FAM47A: variants seen among roughly 807,000 people sequenced by gnomAD.
FAM47A encodes the protein protein FAM47A.
A neutral mutation model predicts 2.6 loss-of-function variants in FAM47A; 1 was observed. The observed-to-expected ratio is 0.39, with a 90% CI of 0.14 to 1.83. The LOEUF (loss-of-function observed/expected upper bound fraction) is 1.83. Among genes scored for constraint, FAM47A ranks in the 40% most tolerant of loss-of-function variants. FAM47A has a pLI of 0.32. For missense variants in FAM47A, 657 were observed against 673.1 expected, an observed-to-expected ratio of 0.98 and a Z score of 0.26; for synonymous variants, 278 against 270.1, an observed-to-expected ratio of 1.03 and a Z score of -0.29.
At position 34,131,701 on chromosome X, in the gene FAM47A, T is replaced by G; in HGVS notation, c.578A>C (p.Glu193Ala). The G allele has an allele frequency of 8.3e-7, 1 of 1,208,822 alleles. No homozygotes were observed. The highest frequency in any genetic ancestry group is 1.1e-6 in the Non-Finnish European group (1 of 894,244). Reference sequence around the variant, plus strand: ...TGGGAGGAGATGGGACACCGGAGTCTCGGGAGGCTTCAGGCAGAATTCCCC... The same window carrying G: ...TGGGAGGAGATGGGACACCGGAGTCGCGGGAGGCTTCAGGCAGAATTCCCC... Reference protein sequence around the residue: ...PCGEFCLKPPETPVSHLLPEP... With the variant: ...PCGEFCLKPPATPVSHLLPEP... Residue 193 changes from glutamate to alanine, a missense_variant, in exon 1 of 1, where the codon GAG (glutamate) becomes GCG (alanine). Glu to Ala is a moderately radical substitution (Grantham distance 107). Coordinates refer to ENST00000346193, the MANE Select transcript of FAM47A (RefSeq NM_203408.4).
chrX:34,130,955 A>G lies in FAM47A; in HGVS notation c.1324T>C (p.Trp442Arg). Residue 442 changes from tryptophan (W) to arginine (R), a missense_variant, in exon 1 of 1, where the codon TGG becomes CGG. Physicochemically the swap from Trp to Arg is moderately radical, Grantham distance 101. Coordinates refer to ENST00000346193, the MANE Select transcript of FAM47A (RefSeq NM_203408.4). ...TTCACCCGGGCCTCACAACGATCCC[A>G]TACGTCCTTCAGCGTCCTCCCAGAA... ...LDSGRTLKDV[W>R]DRCEARVKKT... The G allele has an allele frequency of 1.7e-6, 2 of 1,205,360 alleles. No homozygotes were observed. The highest frequency in any genetic ancestry group is 2.2e-6 in the Non-Finnish European group (2 of 891,308).
In FAM47A at chrX:34,130,572, G is replaced by T. The variant is rs191524414; in HGVS notation, c.1707C>A (p.Phe569Leu). ...ATGCTCGAATCTTGGGAGGCTCCGA[G>T]AATTGATGGGACTCTGGAGCTTTGG... is the stretch of plus-strand genomic sequence containing the variant. ...EPPKAPESHQ[F>L]SEPPKIRASY... is the part of the protein sequence containing the mutation. Residue 569 changes from phenylalanine to leucine, a missense_variant, in exon 1 of 1, where the codon TTC becomes TTA. Physicochemically the swap from Phe to Leu is conservative, Grantham distance 22. This residue lies in a region of FAM47A where 198 missense variants were observed against 203.4 expected (regional missense o/e 0.97). Coordinates refer to ENST00000346193, the MANE Select transcript of FAM47A (RefSeq NM_203408.4). 385 of 1,209,632 alleles carry T rather than the reference G, an allele frequency of 3.2e-4. No homozygotes were observed. Among genetic ancestry groups the T allele is most frequent in the Middle Eastern group, 4.6e-4 (2 of 4,354 alleles).
Position 34,130,516 on chromosome X carries a change from G to A in FAM47A, c.1763C>T (p.Thr588Ile). 8.3e-7 allele frequency: 1 copy of A among 1,211,678 alleles called. No individual in the cohort carries two copies. The highest frequency in any genetic ancestry group is 1.8e-5 in the South Asian group (1 of 56,951). ...SYIKELLQEDTPSTKECVSDS... is the reference protein window; with the variant it reads ...SYIKELLQEDIPSTKECVSDS... ...AGAAACGCACTCTTTTGTGCTTGGT[G>A]TATCTTCCTGAAGCAGTTCTTTTAT... is the stretch of plus-strand genomic sequence containing the variant. The change falls in exon 1 of 1, where the codon ACA becomes ATA. Residue 588 changes from threonine (T) to isoleucine (I), a missense_variant. This residue lies in a region of FAM47A where 198 missense variants were observed against 203.4 expected (regional missense o/e 0.97). Coordinates refer to ENST00000346193, the MANE Select transcript of FAM47A (RefSeq NM_203408.4).
At position 34,130,562 on chromosome X, in the gene FAM47A, G is replaced by C; in HGVS notation, c.1717C>G (p.Pro573Ala). Residue 573 changes from proline (P) to alanine (A), a missense_variant, in exon 1 of 1, where the codon CCC (proline) becomes GCC (alanine). Physicochemically the swap from Pro to Ala is conservative, Grantham distance 27 (BLOSUM62 -1). This residue lies in a region of FAM47A where 198 missense variants were observed against 203.4 expected (regional missense o/e 0.97). Transcript: ENST00000346193. ...APESHQFSEPPKIRASYIKEL... is the reference protein window; with the variant it reads ...APESHQFSEPAKIRASYIKEL... Reference sequence around the variant, plus strand: ...TTTATGTAGGATGCTCGAATCTTGGGAGGCTCCGAGAATTGATGGGACTCT... The same window carrying C: ...TTTATGTAGGATGCTCGAATCTTGGCAGGCTCCGAGAATTGATGGGACTCT... 8.3e-7 allele frequency: 1 copy of C among 1,211,667 alleles called. No individual in the cohort carries two copies. Among genetic ancestry groups the C allele is most frequent in the Non-Finnish European group, 1.1e-6 (1 of 895,555 alleles).
Position 34,130,237 on chromosome X carries a change from G to T in FAM47A, c.2042C>A (p.Thr681Lys), listed in dbSNP as rs770609384. ...CTGTGCGGTATAAGAATTCGATGGC[G>T]TGTGGAATTTCCTGCCCCAGTATTT... ...QEKYWGRKFH[T>K]PSNSYTAQRV... Residue 681 changes from threonine (T) to lysine (K), a missense_variant, in exon 1 of 1, where the codon ACG becomes AAG. Coordinates refer to ENST00000346193, the MANE Select transcript of FAM47A (RefSeq NM_203408.4). 8.3e-7 allele frequency: 1 copy of T among 1,211,016 alleles called. No individual in the cohort carries two copies. Among genetic ancestry groups the T allele is most frequent in the African/African-American group, 1.7e-5 (1 of 57,818 alleles).
rs1441492553 is a variant in FAM47A, at chrX:34,131,270, G to A, written c.1009C>T (p.Leu337Phe). The A allele has an allele frequency of 3.3e-6, 4 of 1,208,450 alleles. No individual in the cohort carries two copies. The African/African-American group carries it at 5.3e-5, about 16-fold the overall frequency. Reference sequence around the variant, plus strand: ...CGAGTCTTGGAATGCTCTAGGCGGAGATGGGACTCTCCAGTCTCCGGAGGC... The same window carrying A: ...CGAGTCTTGGAATGCTCTAGGCGGAAATGGGACTCTCCAGTCTCCGGAGGC... ...PEPPETGESH[L>F]RLEHSKTRRG... Residue 337 changes from leucine to phenylalanine, a missense_variant, in exon 1 of 1, where the codon CTC becomes TTC. Coordinates refer to ENST00000346193, the MANE Select transcript of FAM47A (RefSeq NM_203408.4).
In FAM47A at chrX:34,132,251, G is replaced by T; in HGVS notation, c.28C>A (p.Leu10Met). Reference protein sequence around the residue: MGDQRLQDWLRSPGMDSKPW... With the variant: MGDQRLQDWMRSPGMDSKPW... ...TTGGAGTCCATGCCCGGGGACCTCA[G>T]CCAGTCCTGCAGCCTCTGGTCCCCC... The change falls in exon 1 of 1, where the codon CTG (leucine) becomes ATG (methionine). Residue 10 changes from leucine to methionine, a missense_variant. Physicochemically the swap from Leu to Met is conservative, Grantham distance 15 (BLOSUM62 2). This residue lies in a region of FAM47A where 436 missense variants were observed against 414.1 expected (regional missense o/e 1.05). Transcript: ENST00000346193. 1 of 1,182,859 alleles carries T rather than the reference G, an allele frequency of 8.5e-7. No homozygotes were observed. The highest frequency in any genetic ancestry group is 3.0e-5 in the East Asian group (1 of 33,555).
At position 34,130,853 on chromosome X, in the gene FAM47A, A is replaced by G; in HGVS notation, c.1426T>C (p.Ser476Pro). The change falls in exon 1 of 1, where the codon TCC (serine) becomes CCC (proline). Residue 476 changes from serine to proline, a missense_variant. Ser to Pro is a moderately conservative substitution (Grantham distance 74). Transcript: ENST00000346193. ...TTGGGATGTTCCGGGTGGGGATGGG[A>G]CACCTGAGTCTCGGGAGGCTGCAGG... ...PCLQPPETQVSHPHPEHPKTR... is the reference protein window; with the variant it reads ...PCLQPPETQVPHPHPEHPKTR... The G allele has an allele frequency of 8.4e-7, 1 of 1,194,324 alleles. No individual in the cohort carries two copies. Among genetic ancestry groups the G allele is most frequent in the Non-Finnish European group, 1.1e-6 (1 of 885,917 alleles).
Position 34,129,979 on chromosome X carries a change from G to A in FAM47A, c.2300C>T (p.Ser767Phe). ...TGCACGTTGAATAGGAGTCTTAACA[G>A]AGTCATAAGTCCATCCCCTCCTGGC... is the stretch of plus-strand genomic sequence containing the variant. ...LFARRGWTYD[S>F]VKTPIQRAMI... Residue 767 changes from serine to phenylalanine, a missense_variant, in exon 1 of 1, where the codon TCT becomes TTT. Physicochemically the swap from Ser to Phe is radical, Grantham distance 155. Around this residue, in one of 3 missense-constraint regions of FAM47A, gnomAD observed 198 missense variants for 203.4 expected, o/e 0.97. Coordinates refer to ENST00000346193, the MANE Select transcript of FAM47A (RefSeq NM_203408.4). 1 of 1,211,329 alleles carries A rather than the reference G, an allele frequency of 8.3e-7. No individual in the cohort carries two copies. The highest frequency in any genetic ancestry group is 1.1e-6 in the Non-Finnish European group (1 of 895,314).
Position 34,131,957 on chromosome X carries a change from A to C in FAM47A, c.322T>G (p.Ser108Ala). 1.7e-6 allele frequency: 2 copies of C among 1,208,908 alleles called. No homozygotes were observed. Among genetic ancestry groups the C allele is most frequent in the Non-Finnish European group, 2.2e-6 (2 of 894,888 alleles). Residue 108 changes from serine to alanine, a missense_variant, in exon 1 of 1, where the codon TCT becomes GCT. Ser to Ala is a moderately conservative substitution (Grantham distance 99). This residue lies in a region of FAM47A where 436 missense variants were observed against 414.1 expected (regional missense o/e 1.05). Transcript: ENST00000346193. The part of the protein sequence containing the change: ...LKKAALFSKL[S>A]PAQLARKAFV... Reference sequence around the variant, plus strand: ...GCCTTCCGTGCTAGCTGGGCTGGAGAGAGCTTGGAAAATAGGGCCGCTTTC... The same window carrying C: ...GCCTTCCGTGCTAGCTGGGCTGGAGCGAGCTTGGAAAATAGGGCCGCTTTC...
Position 34,130,221 on chromosome X carries a change from A to G in FAM47A, c.2058T>C (p.Tyr686=). The change falls in exon 1 of 1, where the codon TAT becomes TAC. Residue 686 remains tyrosine, a synonymous_variant. Coordinates refer to ENST00000346193, the MANE Select transcript of FAM47A (RefSeq NM_203408.4). ...ACTTCATCTTCACACGCTGTGCGGT[A>G]TAAGAATTCGATGGCGTGTGGAATT... ...GRKFHTPSNS[Y]TAQRVKMKYG... is the part of the protein sequence containing the mutation. 1.7e-6 allele frequency: 2 copies of G among 1,211,655 alleles called. No homozygotes were observed. The highest frequency in any genetic ancestry group is 1.8e-5 in the South Asian group (1 of 56,875).
At position 34,131,464 on chromosome X, in the gene FAM47A, T is replaced by C. The variant is rs1334647143; in HGVS notation, c.815A>G (p.Lys272Arg). The C allele has an allele frequency of 8.3e-7, 1 of 1,208,426 alleles. No individual in the cohort carries two copies. The highest frequency in any genetic ancestry group is 1.8e-5 in the South Asian group (1 of 56,819). ...ACAAGGAGCCCGTGCGTCTTCCAGC[T>C]TCCTCTCAGAATCCAGTTTCAGCAG... ...RQLLKLDSER[K>R]LEDARAPCEG... is the part of the protein sequence containing the mutation. Residue 272 changes from lysine (K) to arginine (R), a missense_variant, in exon 1 of 1, where the codon AAG becomes AGG. By Grantham distance (26) the Lys-to-Arg change is conservative (BLOSUM62 2). Coordinates refer to ENST00000346193, the MANE Select transcript of FAM47A (RefSeq NM_203408.4).
Position 34,131,595 on chromosome X carries a change from A to G in FAM47A, c.684T>C (p.Pro228=), listed in dbSNP as rs765088776. 42 of 1,168,910 alleles carry G rather than the reference A, an allele frequency of 3.6e-5. No individual in the cohort carries two copies. The highest frequency in any genetic ancestry group is 2.4e-4 in the Middle Eastern group (1 of 4,192). Residue 228 remains proline, a synonymous_variant, in exon 1 of 1, where the codon CCT becomes CCC. Coordinates refer to ENST00000346193, the MANE Select transcript of FAM47A (RefSeq NM_203408.4). Reference sequence around the variant, plus strand: ...GGCGGAGATGGGACACTCCAGTCTCAGGAGGCTCCGGGCGGAGACTGGACA... The same window carrying G: ...GGCGGAGATGGGACACTCCAGTCTCGGGAGGCTCCGGGCGGAGACTGGACA... The part of the protein sequence containing the change: ...TPVSSLRPEP[P]ETGVSHLRPE...
rs747484372 is a variant in FAM47A, at chrX:34,130,632, CTTG to C, written c.1644_1646del (p.Lys549del). 2.0e-5 allele frequency: 24 copies of C among 1,209,351 alleles called. No individual in the cohort carries two copies. Among genetic ancestry groups the C allele is most frequent in the Non-Finnish European group, 2.5e-5 (22 of 894,758 alleles). On this transcript the variant is annotated inframe_deletion, in exon 1 of 1. Transcript: ENST00000346193. Reference sequence around the variant, plus strand: ...GGTGGAGACTGGACACCCGACGACTCTTGGGAAGCTCCGGGCGGAGACTGGACA... The same window carrying C: ...GGTGGAGACTGGACACCCGACGACTCGGAAGCTCCGGGCGGAGACTGGACA...
chrX:34,130,203 C>T lies in FAM47A; in HGVS notation c.2076G>A (p.Lys692=), dbSNP rs1569241432. 8.3e-7 allele frequency: 1 copy of T among 1,212,052 alleles called. No individual in the cohort carries two copies. The highest frequency in any genetic ancestry group is 1.1e-6 in the Non-Finnish European group (1 of 895,631). The part of the protein sequence containing the change: ...PSNSYTAQRV[K]MKYGAWYLKP... Reference sequence around the variant, plus strand: ...TGAGGTACCATGCTCCATACTTCATCTTCACACGCTGTGCGGTATAAGAAT... The same window carrying T: ...TGAGGTACCATGCTCCATACTTCATTTTCACACGCTGTGCGGTATAAGAAT... Residue 692 remains lysine, a synonymous_variant, in exon 1 of 1, where the codon AAG becomes AAA. Coordinates refer to ENST00000346193, the MANE Select transcript of FAM47A (RefSeq NM_203408.4).
Position 34,129,919 on chromosome X carries a change from G to A in FAM47A, c.2360C>T (p.Ala787Val), listed in dbSNP as rs751013151. Residue 787 changes from alanine to valine, a missense_variant, in exon 1 of 1, where the codon GCA (alanine) becomes GTA (valine). This residue lies in a region of FAM47A where 198 missense variants were observed against 203.4 expected (regional missense o/e 0.97). Transcript: ENST00000346193. Reference sequence around the variant, plus strand: ...GAAAACTGCCTAATCTTCTTCCGATGCCTCTACGATTTCTTTGTACTTGTA... The same window carrying A: ...GAAAACTGCCTAATCTTCTTCCGATACCTCTACGATTTCTTTGTACTTGTA... Reference protein sequence around the residue: ...IFYKYKEIVEASEED With the variant: ...IFYKYKEIVEVSEED The A allele has an allele frequency of 8.4e-7, 1 of 1,188,806 alleles. No homozygotes were observed. The highest frequency in any genetic ancestry group is 3.0e-5 in the East Asian group (1 of 33,570).
chrX:34,130,458 T>A lies in FAM47A; in HGVS notation c.1821A>T (p.Lys607Asn), dbSNP rs776240603. The change falls in exon 1 of 1, where the codon AAA (lysine) becomes AAT (asparagine). Residue 607 changes from lysine (K) to asparagine (N), a missense_variant. By Grantham distance (94) the Lys-to-Asn change is moderately conservative. Transcript: ENST00000346193. ...DSLQYRYTSEKLREFFKWAGD... is the reference protein window; with the variant it reads ...DSLQYRYTSENLREFFKWAGD... ...CAGCCCACTTGAAGAATTCACGGAG[T>A]TTTTCCGATGTGTATCTATATTGAA... The A allele has an allele frequency of 1.7e-6, 2 of 1,210,441 alleles. No individual in the cohort carries two copies. Among genetic ancestry groups the A allele is most frequent in the Non-Finnish European group, 2.2e-6 (2 of 895,191 alleles).
chrX:34,130,781 G>T lies in FAM47A; in HGVS notation c.1498C>A (p.Arg500=). 1 of 1,186,226 alleles carries T rather than the reference G, an allele frequency of 8.4e-7. No individual in the cohort carries two copies. Among genetic ancestry groups the T allele is most frequent in the East Asian group, 3.0e-5 (1 of 33,505 alleles). ...SLHSQPPKTR[R]TSSLRSEPPK... ...GGCTCCGAGCGGAGACTGGACGTCC[G>T]ACGAGTCTTGGGAGGCTGCGAGTGG... Residue 500 remains arginine, a synonymous_variant, in exon 1 of 1, where the codon CGG becomes AGG. Transcript: ENST00000346193.
chrX:34,130,499 A>C lies in FAM47A; in HGVS notation c.1780T>G (p.Cys594Gly), dbSNP rs768051381. Residue 594 changes from cysteine to glycine, a missense_variant, in exon 1 of 1, where the codon TGC (cysteine) becomes GGC (glycine). Physicochemically the swap from Cys to Gly is radical, Grantham distance 159. Around this residue, in one of 3 missense-constraint regions of FAM47A, gnomAD observed 198 missense variants for 203.4 expected, o/e 0.97. Coordinates refer to ENST00000346193, the MANE Select transcript of FAM47A (RefSeq NM_203408.4). ...LQEDTPSTKECVSDSLQYRYT... is the reference protein window; with the variant it reads ...LQEDTPSTKEGVSDSLQYRYT... Reference sequence around the variant, plus strand: ...CTATATTGAAGAGAGTCAGAAACGCACTCTTTTGTGCTTGGTGTATCTTCC... The same window carrying C: ...CTATATTGAAGAGAGTCAGAAACGCCCTCTTTTGTGCTTGGTGTATCTTCC... 2.5e-6 allele frequency: 3 copies of C among 1,208,614 alleles called. No homozygotes were observed. The Admixed American group carries it at 6.6e-5, about 27-fold the overall frequency.
Sources: allele counts gnomAD v4.1 joint callset, GRCh38; gene constraint gnomAD v4.1.1; regional missense constraint gnomAD v4.1.1; transcripts MANE v1.5; gene names NCBI Gene and HGNC (gene_info 2026-07-23, HGNC 2026-07-21).